The following CADPS variants were observed in gnomAD, a reference collection of about 807,000 sequenced individuals.
CADPS encodes calcium-dependent secretion activator 1.
A neutral mutation model predicts 167.3 loss-of-function variants in CADPS; 57 were observed. That is an observed-to-expected ratio of 0.34 (90% CI 0.28 to 0.42). The LOEUF is 0.42. Among genes scored for constraint, CADPS ranks in the 20% least tolerant of loss-of-function variants. CADPS has a pLI of 1.00. For synonymous variants in CADPS, 676 were observed against 635.3 expected (o/e 1.06, Z -0.96); for missense variants, 1,414 against 1,738.1 (o/e 0.81, Z 3.32).
chr3:62,695,703 C>G (rs2080136499), intron 3 of CADPS, among the ~76,000 whole-genome samples: 1 of 152,100 alleles, frequency 6.6e-6, no homozygotes, highest in Non-Finnish European at 1.5e-5. Flanking sequence ...CAGGGTCTCA[C>G]TCTATCACCC....
chr3:62,495,770 G>A (rs2064635941), intron 18 of CADPS, among the ~76,000 whole-genome samples: 1 of 152,240 alleles, frequency 6.6e-6, no homozygotes, highest in Non-Finnish European at 1.5e-5. Context: ...GTGTGTGTAT[G>A]TTTGTGAATA....
At chr3:62,640,704 G>A (rs1481264338) in intron 6 of CADPS, among the ~76,000 whole-genome samples, 1 of 152,126 alleles carries the variant, frequency 6.6e-6, no homozygotes, top group African/African-American at 2.4e-5. Flanking sequence ...ATAATCAAAT[G>A]CCAAGTGGCA....
At chr3:62,447,144 G>T (rs1354733620) in intron 26 of CADPS, among the ~76,000 whole-genome samples, 1 of 152,150 alleles carries the variant, frequency 6.6e-6, no homozygotes, top group East Asian at 1.9e-4. Flanking sequence ...GCCAGAACTC[G>T]TTGACCCTGG....
intron 6 of CADPS, among the ~76,000 whole-genome samples, chr3:62,612,097 G>A (rs2061585050): frequency 6.6e-6 from 1 of 152,156 alleles, no homozygotes; most frequent in Admixed American, 6.5e-5. Flanking sequence ...TAGTTCTACT[G>A]AAGAGTTACA....
At chr3:62,801,003 T>C (rs304165) in intron 1 of CADPS, among the ~76,000 whole-genome samples, 5,678 of 152,048 alleles carry the variant, frequency 0.037, 358 homozygotes, top group African/African-American at 0.13. Flanking sequence ...ATGGTAAGAG[T>C]AGAGTCAAGT....
intron 10 of CADPS, among the ~76,000 whole-genome samples, chr3:62,550,500 C>G (rs148651479): frequency 1.3e-5 from 2 of 152,116 alleles, no homozygotes; most frequent in Non-Finnish European, 2.9e-5. Flanking sequence ...CTCTTTACAA[C>G]GAAAGGGAAA....
rs182917804 is a variant in CADPS, at chr3:62,747,255, G to A, written c.888+6186C>T. Reference sequence around the variant, plus strand: ...TTTCTTCTGTAGATATTCAGTGAAAGATCACTCATGCGAAGAACTATATTG... The same window carrying A: ...TTTCTTCTGTAGATATTCAGTGAAAAATCACTCATGCGAAGAACTATATTG... On this transcript the variant is annotated intron_variant, in intron 3 of 29. Coordinates refer to ENST00000383710, the MANE Select transcript of CADPS (RefSeq NM_003716.4). 2.6e-4 allele frequency among the ~76,000 whole-genome samples: 40 copies of A among 152,272 alleles called. 1 individual carries two copies. The East Asian group carries it at 3.7e-3, about 14-fold the overall frequency.
chr3:62,632,471 C>T (rs996165907), intron 6 of CADPS, among the ~76,000 whole-genome samples: 11 of 152,018 alleles, frequency 7.2e-5, no homozygotes, highest in Non-Finnish European at 8.8e-5. Context: ...GACTTTTTAG[C>T]GGTTTTATCT....
chr3:62,655,291 A>G (rs1052585344), intron 4 of CADPS, among the ~76,000 whole-genome samples: 1 of 152,194 alleles, frequency 6.6e-6, no homozygotes, highest in Non-Finnish European at 1.5e-5. Flanking sequence ...AACTTGTGCC[A>G]AAATAAGGAA....
intron 29 of CADPS, among the ~76,000 whole-genome samples, chr3:62,400,690 C>G (rs545079656): frequency 6.6e-6 from 1 of 151,162 alleles, no homozygotes; most frequent in African/African-American, 2.4e-5. Flanking sequence ...ACCTCCACCC[C>G]CTGGGTTCAA....
chr3:62,556,238 C>A (rs979742824), intron 10 of CADPS, among the ~76,000 whole-genome samples: 1 of 152,170 alleles, frequency 6.6e-6, no homozygotes, highest in Non-Finnish European at 1.5e-5. Flanking sequence ...GAAGGATTTC[C>A]AGGCAGAGCA....
intron 11 of CADPS, among the ~76,000 whole-genome samples, chr3:62,538,194 C>T (rs1346685167): frequency 6.6e-6 from 1 of 152,088 alleles, no homozygotes; most frequent in Non-Finnish European, 1.5e-5. Context: ...GCTGCTTCAT[C>T]TAGGAGGCTT....
At chr3:62,807,174 G>C (rs2094143300) in intron 1 of CADPS, among the ~76,000 whole-genome samples, 1 of 151,982 alleles carries the variant, frequency 6.6e-6, no homozygotes, top group Non-Finnish European at 1.5e-5. Context: ...ACATTAATCA[G>C]ACTTAAATCA....
chr3:62,567,191 T>C (rs1289264152), intron 9 of CADPS, among the ~76,000 whole-genome samples: 2 of 152,166 alleles, frequency 1.3e-5, no homozygotes, highest in Non-Finnish European at 2.9e-5. Flanking sequence ...TCTCCCAAAA[T>C]AAGAGGTCAT....
At chr3:62,718,278 G>GTGAA (rs528027382) in intron 3 of CADPS, among the ~76,000 whole-genome samples, 201 of 152,006 alleles carry the variant, frequency 1.3e-3, no homozygotes, top group African/African-American at 4.5e-3. Flanking sequence ...TGATGTCTTG[G>GTGAA]TGAATGAATG....
In CADPS at chr3:62,840,517, CTT is replaced by C. The variant is rs575396544; in HGVS notation, c.441+34070_441+34071del. On this transcript the variant is annotated intron_variant, in intron 1 of 29. Transcript: ENST00000383710. ...TGACATATGTCTATTTTTGAGGACT[CTT>C]TTCCAGAAGACAAAATGTTGTGTAT... 2.6e-4 allele frequency among the ~76,000 whole-genome samples: 39 copies of C among 152,094 alleles called. No homozygotes were observed. In the East Asian group the frequency reaches 5.6e-3, roughly 22 times the overall value.
chr3:62,699,052 TG>T (rs2080911149), intron 3 of CADPS, among the ~76,000 whole-genome samples: 1 of 152,038 alleles, frequency 6.6e-6, no homozygotes, highest in Non-Finnish European at 1.5e-5. Flanking sequence ...TCTGAAATTT[TG>T]GCACACCCAT....
At chr3:62,762,280 A>G (rs1265249766) in intron 2 of CADPS, among the ~76,000 whole-genome samples, 1 of 152,228 alleles carries the variant, frequency 6.6e-6, no homozygotes, top group Non-Finnish European at 1.5e-5. Context: ...AGTAATATAA[A>G]TAAAACCAAT....
chr3:62,552,531 C>T (rs780189183), intron 10 of CADPS, among the ~76,000 whole-genome samples: 29 of 152,326 alleles, frequency 1.9e-4, no homozygotes, highest in African/African-American at 6.0e-4. Flanking sequence ...TCAGGTTCCT[C>T]GTCGCCTCCT....
Sources: gnomAD v4.1 joint callset for allele counts (sites outside exome capture counted in the v4.1 genomes callset) on GRCh38, gnomAD v4.1.1 for gene constraint, MANE v1.5 for transcripts, NCBI Gene and HGNC (gene_info 2026-07-23, HGNC 2026-07-21) for gene names.